The following NTM variants were observed in gnomAD, a reference collection of about 807,000 sequenced individuals.
The protein encoded by NTM is neurotrimin.
NTM carries 13 observed loss-of-function variants against 42.1 expected under a neutral mutation model. The observed-to-expected ratio is 0.31, with a 90% confidence interval of 0.20 to 0.49. The LOEUF is 0.49. Ranked by LOEUF, NTM falls within the 20% of genes least tolerant of loss-of-function variation. The pLI, the probability that NTM is intolerant of heterozygous loss-of-function variation, is 0.99. For missense variants in NTM, 373 were observed against 452.8 expected, an observed-to-expected ratio of 0.82 and a Z score of 1.60; for synonymous variants, 187 against 179.2, an observed-to-expected ratio of 1.04 and a Z score of -0.35.
intron 1 of NTM, among the ~76,000 whole-genome samples, chr11:131,510,436 C>T (rs528935045): frequency 6.6e-6 from 1 of 152,096 alleles, no homozygotes; most frequent in Non-Finnish European, 1.5e-5. Flanking sequence ...TTACCAACTG[C>T]CCTTTCATGT....
intron 1 of NTM, among the ~76,000 whole-genome samples, chr11:131,433,811 A>G (rs571212809): frequency 6.6e-6 from 1 of 152,260 alleles, no homozygotes; most frequent in East Asian, 1.9e-4. Context: ...CTTTTTAAAA[A>G]ATTATACTTT....
intron 1 of NTM, among the ~76,000 whole-genome samples, chr11:131,622,051 G>A (rs978977984): frequency 1.3e-5 from 2 of 152,242 alleles, no homozygotes; most frequent in African/African-American, 2.4e-5. Flanking sequence ...CTGTGGTCCA[G>A]GCAGGCCCAC....
chr11:131,458,144 G>A lies in NTM; in HGVS notation c.82+87256G>A, dbSNP rs1167276132. Among the ~76,000 whole-genome samples, 3 of 152,328 alleles carry A rather than the reference G, an allele frequency of 2.0e-5. 1 individual carries two copies. Among genetic ancestry groups the A allele is most frequent in the Middle Eastern group, 6.8e-3 (2 of 294 alleles). ...GAGCCTGGAGTTACTCCAATACTCA[G>A]CAGAGAAGGAAGAGCCTGGAGGCAG... is the stretch of plus-strand genomic sequence containing the variant. On this transcript the variant is annotated intron_variant, in intron 1 of 8. Transcript: ENST00000683400.
chr11:132,001,691 A>G (rs2069284733), intron 2 of NTM, among the ~76,000 whole-genome samples: 1 of 152,080 alleles, frequency 6.6e-6, no homozygotes, highest in Non-Finnish European at 1.5e-5. Context: ...ACCAGGCCCT[A>G]TGCCAAACAC....
intron 1 of NTM, among the ~76,000 whole-genome samples, chr11:131,666,183 A>G (rs79180474): frequency 1.3e-3 from 204 of 152,268 alleles, no homozygotes; most frequent in African/African-American, 4.5e-3. Context: ...TGGTCAAGTG[A>G]CTGAGTGAGG....
At chr11:131,587,378 G>A (rs1475441104) in intron 1 of NTM, among the ~76,000 whole-genome samples, 1 of 151,910 alleles carries the variant, frequency 6.6e-6, no homozygotes, top group African/African-American at 2.4e-5. Flanking sequence ...AACCCAGGAG[G>A]TGGAGCTTGC....
chr11:132,047,366 T>C (rs914325642), intron 2 of NTM, among the ~76,000 whole-genome samples: 5 of 152,254 alleles, frequency 3.3e-5, no homozygotes, highest in African/African-American at 1.2e-4. Flanking sequence ...TAAATAGTCT[T>C]TCAGTGTTGA....
intron 1 of NTM, among the ~76,000 whole-genome samples, chr11:131,473,547 CA>C (rs1213712722): frequency 2.0e-5 from 3 of 152,112 alleles, no homozygotes; most frequent in Non-Finnish European, 1.5e-5. Flanking sequence ...AGCAGGCTTT[CA>C]ATAATATTAG....
intron 4 of NTM, among the ~76,000 whole-genome samples, chr11:132,214,717 G>A (rs910586759): frequency 4.3e-4 from 66 of 152,106 alleles, no homozygotes; most frequent in African/African-American, 1.1e-3. Flanking sequence ...TGTGACCATC[G>A]AACAGATTCA....
chr11:131,814,488 T>C (rs761478175), intron 1 of NTM, among the ~76,000 whole-genome samples: 10 of 152,114 alleles, frequency 6.6e-5, no homozygotes, highest in Non-Finnish European at 1.5e-4. Flanking sequence ...AACCTTTCCA[T>C]ACGGTTTCAG....
intron 1 of NTM, among the ~76,000 whole-genome samples, chr11:131,383,331 G>A (rs1942926107): frequency 6.6e-6 from 1 of 152,224 alleles, no homozygotes; most frequent in African/African-American, 2.4e-5. Flanking sequence ...CACTCAGTTA[G>A]ATAGACAAGT....
At chr11:131,861,247 G>A (rs1000843276) in intron 1 of NTM, among the ~76,000 whole-genome samples, 2 of 152,188 alleles carry the variant, frequency 1.3e-5, no homozygotes, top group Non-Finnish European at 2.9e-5. Context: ...AAAGAAGGCT[G>A]TACGGTCCTA....
At chr11:131,638,957 A>G (rs2134204175) in intron 1 of NTM, among the ~76,000 whole-genome samples, 1 of 152,346 alleles carries the variant, frequency 6.6e-6, no homozygotes, top group Admixed American at 6.5e-5. Context: ...AAAACTTTGT[A>G]TAAATAAACC....
intron 1 of NTM, among the ~76,000 whole-genome samples, chr11:131,643,516 G>A (rs1350825319): frequency 6.6e-6 from 1 of 152,178 alleles, no homozygotes; most frequent in African/African-American, 2.4e-5. Flanking sequence ...CCCTGGATCA[G>A]TAGTCCCTAG....
intron 1 of NTM, among the ~76,000 whole-genome samples, chr11:131,839,229 C>T (rs756018877): frequency 5.9e-5 from 9 of 151,982 alleles, no homozygotes; most frequent in African/African-American, 7.2e-5. Flanking sequence ...CCCAAAGTGC[C>T]GGAATTACAG....
chr11:132,031,085 C>T (rs779147046), intron 2 of NTM, among the ~76,000 whole-genome samples: 14 of 152,146 alleles, frequency 9.2e-5, no homozygotes, highest in Admixed American at 4.6e-4. Context: ...CTACAAACAT[C>T]GTGCAGGCCA....
At chr11:132,059,718 CT>C (rs2080310367) in intron 2 of NTM, among the ~76,000 whole-genome samples, 1 of 151,794 alleles carries the variant, frequency 6.6e-6, no homozygotes, top group African/African-American at 2.4e-5. Flanking sequence ...CCTTCGAATC[CT>C]CCCCCGCCCC....
chr11:132,124,284 G>T (rs1183852232), intron 2 of NTM, among the ~76,000 whole-genome samples: 1 of 152,034 alleles, frequency 6.6e-6, no homozygotes, highest in African/African-American at 2.4e-5. Context: ...CTGGGGCCCT[G>T]CCCTCCCTGA....
intron 4 of NTM, among the ~76,000 whole-genome samples, chr11:132,246,224 G>T (rs1014060099): frequency 5.9e-5 from 9 of 152,224 alleles, no homozygotes; most frequent in Non-Finnish European, 8.8e-5. Context: ...CTCCCGCACA[G>T]GTGGGACTCC....
Sources: gnomAD v4.1 joint callset for allele counts (sites outside exome capture counted in the v4.1 genomes callset) on GRCh38, gnomAD v4.1.1 for gene constraint, MANE v1.5 for transcripts, NCBI Gene and HGNC (gene_info 2026-07-23, HGNC 2026-07-21) for gene names.